The following CEP63 variants were observed in gnomAD, a reference collection of about 807,000 sequenced individuals.
CEP63 encodes the protein centrosomal protein 63, also known as centrosomal protein of 63 kDa.
In CEP63, 84 loss-of-function variants were observed where a neutral mutation model predicts 89.1. The observed-to-expected ratio is 0.94, with a 90% confidence interval of 0.79 to 1.13. CEP63 has a LOEUF of 1.13. CEP63 is among the 50% of genes most tolerant of loss of function. The pLI is 0.00. For missense variants in CEP63, 838 were observed against 813.3 expected (o/e 1.03, Z -0.37); for synonymous variants, 267 against 272.5 (o/e 0.98, Z 0.20).
chr3:134,701,373 CACAT>C, the CEP63 span, among the ~76,000 whole-genome samples: 19 of 44,474 alleles, frequency 4.3e-4, 2 homozygotes, highest in Non-Finnish European at 7.7e-4. Flanking sequence ...CATATACACA[CACAT>C]ATATACGTAT....
the CEP63 span, among the ~76,000 whole-genome samples, chr3:134,727,671 C>T: frequency 6.6e-5 from 10 of 152,138 alleles, no homozygotes; most frequent in African/African-American, 9.7e-5. Flanking sequence ...AATATTCATA[C>T]GGTAGCTTAA....
At chr3:134,678,116 G>A in the CEP63 span, among the ~76,000 whole-genome samples, 1 of 152,036 alleles carries the variant, frequency 6.6e-6, no homozygotes, top group Admixed American at 6.6e-5. Flanking sequence ...CTTCTCAGAT[G>A]CCCTCCCGCT....
intron 1 of CEP63, among the ~76,000 whole-genome samples, chr3:134,494,698 A>G (rs1351387462): frequency 6.6e-6 from 1 of 152,010 alleles, no homozygotes; most frequent in Non-Finnish European, 1.5e-5. Context: ...GTGTGGTGCA[A>G]CTCCTATGAA....
At chr3:134,691,323 A>C in the CEP63 span, among the ~76,000 whole-genome samples, 2 of 125,396 alleles carry the variant, frequency 1.6e-5, no homozygotes, top group African/African-American at 6.3e-5. Context: ...GTGCCATTGC[A>C]CTCTAGCCTG....
chr3:134,526,921 G>C (rs540795199), intron 3 of CEP63, among the ~76,000 whole-genome samples: 287 of 152,214 alleles, frequency 1.9e-3, no homozygotes, highest in African/African-American at 6.4e-3. Context: ...TAACTCTGGG[G>C]GGGCTCGTAT....
chr3:134,597,953 C>G, the CEP63 span: 1 of 152,192 alleles, frequency 6.6e-6, no homozygotes, highest in Non-Finnish European at 1.5e-5. Flanking sequence ...TGTGGAGAGT[C>G]TGGCTTCAAG....
At chr3:134,734,847 A>G in the CEP63 span, among the ~76,000 whole-genome samples, 2 of 152,262 alleles carry the variant, frequency 1.3e-5, no homozygotes, top group Non-Finnish European at 2.9e-5. Context: ...CTCCATTTGT[A>G]GTATATACAT....
intron 4 of CEP63, among the ~76,000 whole-genome samples, chr3:134,532,298 A>G (rs1256944769): frequency 1.3e-5 from 2 of 152,226 alleles, no homozygotes; most frequent in African/African-American, 4.8e-5. Context: ...GATTTAAGAA[A>G]CATTTTGGGA....
chr3:134,510,800 C>CTGG (rs1944672558), intron 3 of CEP63: 1 of 344,564 alleles, frequency 2.9e-6, no homozygotes, highest in South Asian at 3.0e-5. Flanking sequence ...AGTTCTGGCC[C>CTGG]TGGAGGCCAG....
intron 3 of CEP63, among the ~76,000 whole-genome samples, chr3:134,518,715 G>C (rs139334672): frequency 6.6e-6 from 1 of 151,786 alleles, no homozygotes; most frequent in Non-Finnish European, 1.5e-5. Flanking sequence ...TATTAGAAAG[G>C]CTGAAAGTGA....
chr3:134,741,873 G>GA, the CEP63 span, among the ~76,000 whole-genome samples: 1 of 152,060 alleles, frequency 6.6e-6, no homozygotes, highest in African/African-American at 2.4e-5. Flanking sequence ...CCTCTGAGGG[G>GA]ATCTGTGTTT....
At chr3:134,661,177 C>T in the CEP63 span, among the ~76,000 whole-genome samples, 1 of 152,154 alleles carries the variant, frequency 6.6e-6, no homozygotes, top group Non-Finnish European at 1.5e-5. Flanking sequence ...TGCTTCTGTC[C>T]ATCTATTTAT....
Position 134,561,993 on chromosome 3 carries a change from T to C in CEP63, c.*458T>C, listed in dbSNP as rs928963879. The C allele has an allele frequency of 3.0e-6, 3 of 1,016,536 alleles. No individual in the cohort carries two copies. Among genetic ancestry groups the C allele is most frequent in the Non-Finnish European group, 2.4e-6 (2 of 848,954 alleles). The allele number at this position is 1,016,536 out of a possible 1,614,324, so 63.0% of individuals were successfully genotyped here. On this transcript the variant is annotated 3_prime_UTR_variant, in exon 15 of 15. Coordinates refer to ENST00000675561, the MANE Select transcript of CEP63 (RefSeq NM_001353108.3). The stretch of plus-strand genomic sequence containing the variant: ...CCACTTACCAGCCAACGGGGCTTGT[T>C]ATTTACTGGGCTGGTAGCCCCTCCT...
In CEP63 at chr3:134,564,563, C is replaced by T. The variant is rs1957638615; in HGVS notation, c.*3028C>T. 1.6e-5 allele frequency: 16 copies of T among 985,280 alleles called. No individual in the cohort carries two copies. The highest frequency in any genetic ancestry group is 6.1e-5 in the Admixed American group (1 of 16,272). The allele number at this position is 985,280 out of a possible 1,614,324, so 61.0% of individuals were successfully genotyped here. A position where few individuals can be genotyped will look rare whatever the true frequency, so the allele number is the denominator to read the frequency against. Reference sequence around the variant, plus strand: ...TGCCTAACACATAACAGATCCTAAGCAAATATTGGGTGGATGAAAATCACT... The same window carrying T: ...TGCCTAACACATAACAGATCCTAAGTAAATATTGGGTGGATGAAAATCACT... On this transcript the variant is annotated 3_prime_UTR_variant, in exon 15 of 15. Coordinates refer to ENST00000675561, the MANE Select transcript of CEP63 (RefSeq NM_001353108.3).
chr3:134,575,591 C>T (rs1958197610), downstream of CEP63, among the ~76,000 whole-genome samples: 1 of 136,962 alleles, frequency 7.3e-6, no homozygotes, highest in Non-Finnish European at 1.6e-5. Context: ...CTCCCTCCCT[C>T]CCTTTCTTCC....
At chr3:134,777,487 A>G in the CEP63 span, among the ~76,000 whole-genome samples, 2 of 152,112 alleles carry the variant, frequency 1.3e-5, no homozygotes, top group Non-Finnish European at 2.9e-5. Flanking sequence ...GGACTTGTCT[A>G]ATTAACTCAC....
intron 1 of CEP63, among the ~76,000 whole-genome samples, chr3:134,490,163 G>C (rs1296526953): frequency 6.6e-6 from 1 of 151,990 alleles, no homozygotes; most frequent in Admixed American, 6.6e-5. Flanking sequence ...GGTGGCCAGA[G>C]TTAGGAAATA....
intron 3 of CEP63, among the ~76,000 whole-genome samples, chr3:134,528,588 G>GTGTGTGTGTGTGTT (rs1949217343): frequency 6.6e-6 from 1 of 151,886 alleles, no homozygotes; most frequent in South Asian, 2.1e-4. Context: ...GTGTGTGTGT[G>GTGTGTGTGTGTGTT]TGTGTGGTGT....
the CEP63 span, among the ~76,000 whole-genome samples, chr3:134,773,557 A>G: frequency 3.9e-5 from 6 of 152,332 alleles, no homozygotes; most frequent in South Asian, 2.1e-4. Context: ...AACCATTTCC[A>G]TGAACATCAT....
Sources: gnomAD v4.1 joint callset for allele counts (sites outside exome capture counted in the v4.1 genomes callset) on GRCh38, gnomAD v4.1.1 for gene constraint, MANE v1.5 for transcripts, NCBI Gene and HGNC (gene_info 2026-07-23, HGNC 2026-07-21) for gene names.